STX12: variants seen among roughly 807,000 people sequenced by gnomAD.
STX12 encodes syntaxin-12.
A neutral mutation model predicts 42.2 loss-of-function variants in STX12; 17 were observed. The ratio of observed to expected loss-of-function variants is 0.40; its 90% CI spans 0.28 to 0.60. The LOEUF is 0.60. Among genes scored for constraint, STX12 ranks in the 20% least tolerant of loss-of-function variants. STX12 has a pLI of 0.39. For missense variants in STX12, 297 were observed against 330.9 expected (o/e 0.90, Z 0.79); for synonymous variants, 108 against 116.7 (o/e 0.93, Z 0.48).
At chr1:27,803,675 A>T (rs2088840604) in intron 4 of STX12, among the ~76,000 whole-genome samples, 2 of 152,354 alleles carry the variant, frequency 1.3e-5, no homozygotes, top group South Asian at 4.1e-4. Flanking sequence ...ACATTGCTAT[A>T]TATATTTAAT....
chr1:27,807,499 A>G (rs1010177195), intron 4 of STX12, among the ~76,000 whole-genome samples: 3 of 152,242 alleles, frequency 2.0e-5, no homozygotes, highest in African/African-American at 7.2e-5. Context: ...TAAAATAACA[A>G]TGAAATACTA....
intron 2 of STX12, among the ~76,000 whole-genome samples, chr1:27,792,245 T>C (rs1404273579): frequency 5.4e-5 from 6 of 111,306 alleles, no homozygotes; most frequent in African/African-American, 2.7e-4. Flanking sequence ...TATATGTATC[T>C]ATATATATGT....
chr1:27,776,689 C>A (rs1270696453), intron 1 of STX12, among the ~76,000 whole-genome samples: 3 of 152,104 alleles, frequency 2.0e-5, no homozygotes, highest in Non-Finnish European at 2.9e-5. Flanking sequence ...TGTACTGCAG[C>A]CTGGGTGGCA....
intron 3 of STX12, among the ~76,000 whole-genome samples, chr1:27,797,468 G>A (rs991437299): frequency 6.6e-6 from 1 of 152,094 alleles, no homozygotes; most frequent in Non-Finnish European, 1.5e-5. Flanking sequence ...GAGATCCCCA[G>A]GTTGAGTCAG....
At chr1:27,807,120 T>C (rs968009918) in intron 4 of STX12, among the ~76,000 whole-genome samples, 16 of 152,156 alleles carry the variant, frequency 1.1e-4, no homozygotes, top group African/African-American at 3.9e-4. Flanking sequence ...ATGAGATACT[T>C]TCATATAGTC....
At chr1:27,798,299 G>C (rs1366023293) in intron 3 of STX12, among the ~76,000 whole-genome samples, 2 of 152,032 alleles carry the variant, frequency 1.3e-5, no homozygotes, top group African/African-American at 4.8e-5. Flanking sequence ...GGGAGGCTGA[G>C]GCGGGTGGAT....
At chr1:27,792,363 T>C (rs1169790133) in intron 2 of STX12, among the ~76,000 whole-genome samples, 3 of 145,518 alleles carry the variant, frequency 2.1e-5, no homozygotes, top group African/African-American at 7.6e-5. Flanking sequence ...TATATATGTA[T>C]ATATATATCA....
intron 1 of STX12, among the ~76,000 whole-genome samples, chr1:27,779,997 G>A (rs2088656732): frequency 6.6e-6 from 1 of 151,380 alleles, no homozygotes; most frequent in African/African-American, 2.4e-5. Flanking sequence ...CTCCATGTTG[G>A]TCAGGCTAGT....
chr1:27,786,747 T>C (rs1201744353), intron 1 of STX12, among the ~76,000 whole-genome samples: 3 of 152,208 alleles, frequency 2.0e-5, no homozygotes, highest in Non-Finnish European at 4.4e-5. Context: ...TAAAGGATTG[T>C]TGGAGTCAAA....
intron 1 of STX12, among the ~76,000 whole-genome samples, chr1:27,778,220 G>T (rs939255189): frequency 6.6e-6 from 1 of 152,226 alleles, no homozygotes; most frequent in Non-Finnish European, 1.5e-5. Flanking sequence ...CACTGCGTGG[G>T]TTGTTACAGG....
intron 3 of STX12, among the ~76,000 whole-genome samples, chr1:27,797,202 C>T (rs1362679344): frequency 6.6e-6 from 1 of 152,110 alleles, no homozygotes; most frequent in African/African-American, 2.4e-5. Context: ...GCAGGGACTA[C>T]AGACGCACAC....
intron 1 of STX12, among the ~76,000 whole-genome samples, chr1:27,783,337 T>C (rs931555843): frequency 2.6e-5 from 4 of 152,026 alleles, no homozygotes; most frequent in African/African-American, 4.8e-5. Flanking sequence ...TTTTTTGTTT[T>C]TGTTTTTGTT....
chr1:27,776,166 AT>A lies in STX12; in HGVS notation c.118+2744del, dbSNP rs2088626857. Among the ~76,000 whole-genome samples the A allele has an allele frequency of 2.6e-5, 4 of 152,320 alleles. No homozygotes were observed. The South Asian group carries it at 8.3e-4, about 32-fold the overall frequency. On this transcript the variant is annotated intron_variant, in intron 1 of 8. Coordinates refer to ENST00000373943, the MANE Select transcript of STX12 (RefSeq NM_177424.3). ...ATTGGGCATTGGGCCTCAGGGGATC[AT>A]TTAAGTCAACTGTTAGTAATATTAA...
At chr1:27,807,061 A>G (rs1448414133) in intron 4 of STX12, among the ~76,000 whole-genome samples, 1 of 152,010 alleles carries the variant, frequency 6.6e-6, no homozygotes, top group African/African-American at 2.4e-5. Context: ...CCTTTTTTTA[A>G]TTTTTAATTT....
chr1:27,819,951 T>G (rs933012672), intron 8 of STX12: 1 of 465,724 alleles, frequency 2.1e-6, no homozygotes, highest in Non-Finnish European at 4.0e-6. Context: ...GGCTAGTAAC[T>G]GCAAAGCTAA....
intron 1 of STX12, among the ~76,000 whole-genome samples, chr1:27,777,180 G>T (rs924327486): frequency 6.6e-6 from 1 of 152,158 alleles, no homozygotes; most frequent in Non-Finnish European, 1.5e-5. Flanking sequence ...AGGGTAAGTG[G>T]GTAGAGAGTC....
intron 4 of STX12, 50 bp downstream of exon 4, chr1:27,801,865 C>A (rs777636229): frequency 1.3e-6 from 2 of 1,543,072 alleles, no homozygotes; most frequent in Non-Finnish European, 1.7e-6. Context: ...ATGTTCTTTT[C>A]CAAGTTTGTG....
Position 27,819,714 on chromosome 1 carries a change from G to A in STX12, c.714G>A (p.Gln238=). The change falls in exon 8 of 9, where the codon CAG becomes CAA. Residue 238 remains glutamine, a synonymous_variant. Transcript: ENST00000373943. ...VHVERATEQL[Q]RAAYYQKKSR... Reference sequence around the variant, plus strand: ...TCGAAAGAGCCACTGAACAGTTACAGCGAGCTGCTTACTATCAGGTAAAAG... The same window carrying A: ...TCGAAAGAGCCACTGAACAGTTACAACGAGCTGCTTACTATCAGGTAAAAG... 6.2e-7 allele frequency: 1 copy of A among 1,613,880 alleles called. No homozygotes were observed. The highest frequency in any genetic ancestry group is 8.5e-7 in the Non-Finnish European group (1 of 1,179,844).
chr1:27,773,528 A>C, intron 1 of STX12, 103 bp downstream of exon 1: 1 of 1,058,426 alleles, frequency 9.4e-7, no homozygotes, highest in Non-Finnish European at 1.4e-6. Context: ...CCGAGGCCAC[A>C]CCTGGGGCTG....
Sources: gnomAD v4.1 joint callset for allele counts (sites outside exome capture counted in the v4.1 genomes callset) on GRCh38, gnomAD v4.1.1 for gene constraint, MANE v1.5 for transcripts, NCBI Gene and HGNC (gene_info 2026-07-23, HGNC 2026-07-21) for gene names.